ALPK1: variants seen among roughly 807,000 people sequenced by gnomAD.
The protein encoded by ALPK1 is alpha kinase 1.
Under a neutral mutation model 120.6 loss-of-function variants are expected in ALPK1, and 110 were observed. The observed-to-expected ratio is 0.91, with a 90% CI of 0.78 to 1.07. The LOEUF is 1.07. Among genes scored for constraint, ALPK1 ranks in the 50% least tolerant of loss-of-function variants. The pLI is 0.00. For missense variants in ALPK1, 1,498 were observed against 1,483.9 expected, an observed-to-expected ratio of 1.01 and a Z score of -0.16; for synonymous variants, 582 against 560.3, an observed-to-expected ratio of 1.04 and a Z score of -0.55.
intron 4 of ALPK1, among the ~76,000 whole-genome samples, chr4:112,386,206 T>C (rs1732144005): frequency 6.6e-6 from 1 of 152,140 alleles, no homozygotes; most frequent in Admixed American, 6.5e-5. Context: ...CCCACTGCTC[T>C]CCTCCCCTCC....
chr4:112,338,380 T>G (rs951211145), intron 2 of ALPK1, among the ~76,000 whole-genome samples: 1 of 152,240 alleles, frequency 6.6e-6, no homozygotes. Flanking sequence ...AGAGTTTTTT[T>G]CTATACTTTT....
In ALPK1 at chr4:112,441,266, G is replaced by A; in HGVS notation, c.*56G>A. ...GGGCAGGGCCGTGACACAGGTTCTG[G>A]CCAATGATTTGCAAGAGGAATTGAT... On this transcript the variant is annotated 3_prime_UTR_variant, in exon 16 of 16. Transcript: ENST00000650871. 8.5e-7 allele frequency: 1 copy of A among 1,180,236 alleles called. No individual in the cohort carries two copies. Among genetic ancestry groups the A allele is most frequent in the Non-Finnish European group, 1.3e-6 (1 of 783,978 alleles). The allele number at this position is 1,180,236 out of a possible 1,614,324, so 73.1% of individuals were successfully genotyped here. A position where few individuals can be genotyped will look rare whatever the true frequency, so the allele number is the denominator to read the frequency against.
chr4:112,412,024 A>G lies in ALPK1; in HGVS notation c.474A>G (p.Ser158=). 6.2e-7 allele frequency: 1 copy of G among 1,613,856 alleles called. No homozygotes were observed. The change falls in exon 5 of 16, where the codon TCA becomes TCG. Residue 158 remains serine (S), a splice_region_variant and synonymous_variant. Coordinates refer to ENST00000650871, the MANE Select transcript of ALPK1 (RefSeq NM_025144.4). ...VIRQARISVN[S]GKLLKAEYIL... is the part of the protein sequence containing the mutation. ...GCCAAGCCCGAATCTCCGTGAACTC[A>G]GGTATGCTCCCTCCTGCTGGCCGCC...
Position 112,377,809 on chromosome 4 carries a change from T to C in ALPK1, c.32T>C (p.Leu11Pro), listed in dbSNP as rs747314175. 141 of 1,613,416 alleles carry C rather than the reference T, an allele frequency of 8.7e-5. No individual in the cohort carries two copies. The Middle Eastern group carries it at 1.3e-3, about 15-fold the overall frequency. ...AATCAAAAAGTGGTAGCTGTGCTACTGCAAGAGTGCAAGCAAGTGCTGGAT... is the reference window on the plus strand; with the variant it reads ...AATCAAAAAGTGGTAGCTGTGCTACCGCAAGAGTGCAAGCAAGTGCTGGAT... MNNQKVVAVL[L>P]QECKQVLDQL... The change falls in exon 3 of 16, where the codon CTG becomes CCG. Residue 11 changes from leucine (L) to proline (P), a missense_variant. Coordinates refer to ENST00000650871, the MANE Select transcript of ALPK1 (RefSeq NM_025144.4).
At chr4:112,355,036 A>G (rs1369241958) in intron 2 of ALPK1, among the ~76,000 whole-genome samples, 1 of 152,214 alleles carries the variant, frequency 6.6e-6, no homozygotes, top group African/African-American at 2.4e-5. Context: ...TGAGTTTTCC[A>G]GACCACAAAC....
intron 2 of ALPK1, among the ~76,000 whole-genome samples, chr4:112,338,006 G>A (rs541628351): frequency 2.4e-4 from 36 of 152,166 alleles, no homozygotes; most frequent in African/African-American, 7.0e-4. Flanking sequence ...TCACTCTGTC[G>A]CCCAGGCTGG....
chr4:112,352,198 C>T (rs201620176), intron 2 of ALPK1, among the ~76,000 whole-genome samples: 7 of 152,088 alleles, frequency 4.6e-5, no homozygotes, highest in Admixed American at 1.3e-4. Flanking sequence ...GAACAACTAT[C>T]GAGAATTTAT....
intron 4 of ALPK1, among the ~76,000 whole-genome samples, chr4:112,401,769 A>C (rs927843614): frequency 6.6e-6 from 1 of 152,218 alleles, no homozygotes; most frequent in Non-Finnish European, 1.5e-5. Context: ...CCAACTCCAT[A>C]TACAGTAGAA....
intron 4 of ALPK1, among the ~76,000 whole-genome samples, chr4:112,404,442 T>C (rs1465188968): frequency 6.6e-6 from 1 of 152,218 alleles, no homozygotes; most frequent in East Asian, 1.9e-4. Flanking sequence ...ATTATCCACA[T>C]TTCACAAATG....
intron 4 of ALPK1, among the ~76,000 whole-genome samples, chr4:112,386,334 G>A (rs1446473262): frequency 6.6e-6 from 1 of 152,092 alleles, no homozygotes; most frequent in African/African-American, 2.4e-5. Flanking sequence ...GTTTGTCCGC[G>A]CTCTCCCAGA....
intron 4 of ALPK1, among the ~76,000 whole-genome samples, chr4:112,408,207 C>A (rs1027080631): frequency 1.3e-5 from 2 of 152,126 alleles, no homozygotes; most frequent in Admixed American, 6.6e-5. Flanking sequence ...TGAGTACCCC[C>A]CAAGGTCCAT....
intron 1 of ALPK1, among the ~76,000 whole-genome samples, chr4:112,302,125 C>G (rs1727815598): frequency 6.6e-6 from 1 of 152,118 alleles, no homozygotes. Context: ...TTTCATTAGC[C>G]CATCTGTCAA....
chr4:112,402,079 A>T (rs1369600137), intron 4 of ALPK1, among the ~76,000 whole-genome samples: 1 of 152,198 alleles, frequency 6.6e-6, no homozygotes, highest in Non-Finnish European at 1.5e-5. Flanking sequence ...CTATTGATGG[A>T]TAACTATGCA....
intron 4 of ALPK1, among the ~76,000 whole-genome samples, chr4:112,400,756 T>C (rs1164594940): frequency 6.6e-6 from 1 of 152,192 alleles, no homozygotes; most frequent in African/African-American, 2.4e-5. Context: ...GTTTTCAATA[T>C]TCAGATGTGG....
At chr4:112,362,787 G>T (rs570262695) in intron 2 of ALPK1, among the ~76,000 whole-genome samples, 1 of 152,318 alleles carries the variant, frequency 6.6e-6, no homozygotes, top group African/African-American at 2.4e-5. Context: ...ATAGTCATCA[G>T]GTTATCTAAA....
chr4:112,316,955 G>C (rs1475022521), intron 2 of ALPK1, among the ~76,000 whole-genome samples: 2 of 152,138 alleles, frequency 1.3e-5, no homozygotes, highest in Admixed American at 1.3e-4. Flanking sequence ...TCATTATGCT[G>C]ATAAGCACTT....
intron 2 of ALPK1, among the ~76,000 whole-genome samples, chr4:112,348,644 C>T (rs926995360): frequency 6.6e-6 from 1 of 152,172 alleles, no homozygotes; most frequent in Non-Finnish European, 1.5e-5. Context: ...TTACCATCTC[C>T]CTGCCACTTG....
At chr4:112,425,287 G>T in intron 6 of ALPK1, 1 of 181,552 alleles carries the variant, frequency 5.5e-6, no homozygotes, top group South Asian at 1.2e-4. Context: ...CTACTCTGTG[G>T]AGGCCTTTGA....
intron 2 of ALPK1, among the ~76,000 whole-genome samples, chr4:112,354,268 C>T (rs1273487163): frequency 6.6e-6 from 1 of 151,378 alleles, no homozygotes; most frequent in Non-Finnish European, 1.5e-5. Flanking sequence ...AATTTATTTC[C>T]TAATGAAAGG....
Sources: gnomAD v4.1 joint callset for allele counts (sites outside exome capture counted in the v4.1 genomes callset) on GRCh38, gnomAD v4.1.1 for gene constraint, MANE v1.5 for transcripts, NCBI Gene and HGNC (gene_info 2026-07-23, HGNC 2026-07-21) for gene names.